The following AFG2A variants were observed in gnomAD, a reference collection of about 807,000 sequenced individuals.
AFG2A encodes ATPase family gene 2 protein homolog A.
At chr4:123,088,984 C>T in the AFG2A span, among the ~76,000 whole-genome samples, 11 of 152,016 alleles carry the variant, frequency 7.2e-5, no homozygotes, top group African/African-American at 1.2e-4. Context: ...ATTTGTGTAC[C>T]GGCAGAGTAG....
the AFG2A span, among the ~76,000 whole-genome samples, chr4:123,131,191 C>CT: frequency 6.6e-6 from 1 of 151,960 alleles, no homozygotes; most frequent in Non-Finnish European, 1.5e-5. Context: ...CTTGTCTTTT[C>CT]TTTTTATTAA....
At chr4:123,131,683 TTTTATTATATGTA>T in the AFG2A span, among the ~76,000 whole-genome samples, 7 of 152,184 alleles carry the variant, frequency 4.6e-5, no homozygotes, top group Non-Finnish European at 7.4e-5. Flanking sequence ...AGGCTGAATA[TTTTATTATATGTA>T]TATACCACAT....
chr4:123,098,539 C>T, the AFG2A span, among the ~76,000 whole-genome samples: 1 of 151,952 alleles, frequency 6.6e-6, no homozygotes, highest in African/African-American at 2.4e-5. Context: ...ACCTCCAGGC[C>T]CTGATAACCA....
chr4:123,247,337 A>G, the AFG2A span, among the ~76,000 whole-genome samples: 4 of 152,228 alleles, frequency 2.6e-5, no homozygotes, highest in African/African-American at 9.6e-5. Flanking sequence ...ACTTCTTGTG[A>G]AAAGGTTTAC....
the AFG2A span, among the ~76,000 whole-genome samples, chr4:123,017,249 G>GGAGAGCGAGAGCGAGAGC: frequency 4.5e-5 from 6 of 133,420 alleles, no homozygotes; most frequent in African/African-American, 1.3e-4. Flanking sequence ...AGAGGGAGAG[G>GGAGAGCGAGAGCGAGAGC]GAGAGCGAGA....
the AFG2A span, among the ~76,000 whole-genome samples, chr4:123,146,826 G>A: frequency 2.6e-5 from 4 of 152,134 alleles, no homozygotes; most frequent in Admixed American, 6.5e-5. Flanking sequence ...AAGGCAAAGC[G>A]CACAGGGTTT....
the AFG2A span, among the ~76,000 whole-genome samples, chr4:123,213,045 C>T: frequency 2.0e-5 from 3 of 152,096 alleles, no homozygotes; most frequent in Non-Finnish European, 4.4e-5. Flanking sequence ...AGAGTTTTTA[C>T]TTGGACCTTC....
the AFG2A span, among the ~76,000 whole-genome samples, chr4:123,303,535 G>A: frequency 6.6e-6 from 1 of 152,002 alleles, no homozygotes; most frequent in African/African-American, 2.4e-5. Flanking sequence ...GAGGCCAGCT[G>A]GGGAGGACCA....
At chr4:122,966,263 G>A in the AFG2A span, among the ~76,000 whole-genome samples, 3 of 152,090 alleles carry the variant, frequency 2.0e-5, no homozygotes, top group Non-Finnish European at 2.9e-5. Flanking sequence ...GATCTCTTAC[G>A]TTTTTATAGC....
At chr4:123,304,537 C>T in the AFG2A span, among the ~76,000 whole-genome samples, 1 of 152,210 alleles carries the variant, frequency 6.6e-6, no homozygotes, top group South Asian at 2.1e-4. Flanking sequence ...GCACCACAAT[C>T]ATCGCCAGCT....
At chr4:122,997,676 C>T in the AFG2A span, among the ~76,000 whole-genome samples, 1 of 152,154 alleles carries the variant, frequency 6.6e-6, no homozygotes, top group Admixed American at 6.6e-5. Context: ...ATTGCTGAGT[C>T]ATATGGTAAC....
chr4:123,061,004 A>C, the AFG2A span, among the ~76,000 whole-genome samples: 269 of 152,310 alleles, frequency 1.8e-3, 1 homozygote, highest in African/African-American at 6.1e-3. Flanking sequence ...AGCAAGAGTA[A>C]CATTTACTCC....
At chr4:123,290,173 CT>C in the AFG2A span, among the ~76,000 whole-genome samples, 5 of 152,134 alleles carry the variant, frequency 3.3e-5, no homozygotes, top group Admixed American at 6.6e-5. Context: ...TTGATAATTT[CT>C]TTTGCTGTGC....
At chr4:122,959,855 A>G in the AFG2A span, among the ~76,000 whole-genome samples, 7 of 152,232 alleles carry the variant, frequency 4.6e-5, no homozygotes, top group South Asian at 2.1e-4. Flanking sequence ...AGTATTTTCC[A>G]TATCTTTTAA....
the AFG2A span, among the ~76,000 whole-genome samples, chr4:123,137,122 G>A: frequency 1.3e-5 from 2 of 152,168 alleles, no homozygotes; most frequent in African/African-American, 4.8e-5. Context: ...TAACGGTGCG[G>A]CTGATCAGGC....
chr4:123,100,519 C>G, the AFG2A span, among the ~76,000 whole-genome samples: 1 of 151,674 alleles, frequency 6.6e-6, no homozygotes, highest in Non-Finnish European at 1.5e-5. Context: ...ACTATTTGTC[C>G]TTTTTGCTCT....
chr4:122,947,939 T>G, the AFG2A span, among the ~76,000 whole-genome samples: 3 of 152,138 alleles, frequency 2.0e-5, no homozygotes, highest in African/African-American at 7.2e-5. Context: ...TATTGGAAAA[T>G]TTTTTGGAGA....
At chr4:123,181,911 G>A in the AFG2A span, among the ~76,000 whole-genome samples, 842 of 152,208 alleles carry the variant, frequency 5.5e-3, 6 homozygotes, top group African/African-American at 0.019. Flanking sequence ...ATTTAGTCAT[G>A]TTAAGTTTGA....
At chr4:122,929,470 G>A in the AFG2A span, among the ~76,000 whole-genome samples, 1 of 152,228 alleles carries the variant, frequency 6.6e-6, no homozygotes, top group East Asian at 1.9e-4. Context: ...GAGGTGAGTG[G>A]ATTACTTGAG....
Sources: allele counts gnomAD v4.1 joint callset (sites outside exome capture counted in the v4.1 genomes callset), GRCh38; gene constraint gnomAD v4.1.1; transcripts MANE v1.5; gene names NCBI Gene and HGNC (gene_info 2026-07-23, HGNC 2026-07-21).